Variants in DIAPH1 observed in about 807,000 individuals in gnomAD.
The protein encoded by DIAPH1 is diaphanous related formin 1.
DIAPH1 carries 46 observed loss-of-function variants against 140.7 expected under a neutral mutation model. That is an observed-to-expected ratio of 0.33 (90% confidence interval 0.26 to 0.42). DIAPH1 has a LOEUF of 0.42. Among genes scored for constraint, DIAPH1 ranks in the 10% least tolerant of loss-of-function variants. The pLI is 1.00. For missense variants in DIAPH1, 1,310 were observed against 1,558.7 expected, an observed-to-expected ratio of 0.84 and a Z score of 2.69; for synonymous variants, 565 against 551.6, an observed-to-expected ratio of 1.02 and a Z score of -0.34.
At chr5:141,521,913 G>A (rs567600925) in intron 27 of DIAPH1, among the ~76,000 whole-genome samples, 1 of 152,290 alleles carries the variant, frequency 6.6e-6, no homozygotes, top group South Asian at 2.1e-4. Context: ...ATTCATTCTA[G>A]TCCAACTCTC....
chr5:141,551,969 C>T (rs1166381501), intron 18 of DIAPH1, among the ~76,000 whole-genome samples: 3 of 152,040 alleles, frequency 2.0e-5, no homozygotes, highest in South Asian at 2.1e-4. Flanking sequence ...TGCAATTAGC[C>T]GGAAATTAAC....
Position 141,516,861 on chromosome 5 carries a change from C to G in DIAPH1, c.3809G>C (p.Arg1270Pro), listed in dbSNP as rs371664456. Residue 1270 changes from arginine to proline, a missense_variant, in exon 28 of 28, where the codon CGT becomes CCT. Arg to Pro is a moderately radical substitution (Grantham distance 103). Around this residue, in one of 3 missense-constraint regions of DIAPH1, gnomAD observed 344 missense variants for 512.2 expected, o/e 0.67. Coordinates refer to ENST00000389054, the MANE Select transcript of DIAPH1 (RefSeq NM_005219.5). ...GTCACAGGACCCACATTAGCTTGCA[C>G]GGCCAACCAACTCCTTGGCTTCCTC... ...ILEEAKELVG[R>P]AS 4 of 1,614,160 alleles carry G rather than the reference C, an allele frequency of 2.5e-6. No homozygotes were observed. In the South Asian group the frequency reaches 3.3e-5, roughly 13 times the overall value.
intron 1 of DIAPH1, among the ~76,000 whole-genome samples, chr5:141,603,980 A>G (rs934679040): frequency 6.6e-6 from 1 of 152,218 alleles, no homozygotes; most frequent in African/African-American, 2.4e-5. Flanking sequence ...GCACAGCAGA[A>G]CAGGTAGAAA....
At chr5:141,519,085 T>G in intron 27 of DIAPH1, 1 of 1,245,314 alleles carries the variant, frequency 8.0e-7, no homozygotes, top group Non-Finnish European at 1.2e-6. Flanking sequence ...CCCGAGACTG[T>G]GGGATTTTCA....
At chr5:141,614,934 T>C (rs1439067606) in intron 1 of DIAPH1, among the ~76,000 whole-genome samples, 3 of 152,200 alleles carry the variant, frequency 2.0e-5, no homozygotes, top group Admixed American at 2.0e-4. Context: ...GTTAATGTTT[T>C]AAGAGGATAT....
intron 10 of DIAPH1, 77 bp from the exon 11 acceptor site, chr5:141,578,420 T>G (rs1418570794): frequency 6.5e-7 from 1 of 1,543,004 alleles, no homozygotes; most frequent in African/African-American, 1.4e-5. Flanking sequence ...TTCAACCTGG[T>G]TTTTAATTGA....
At chr5:141,582,146 T>C in intron 7 of DIAPH1, 166 bp downstream of exon 7, 3 of 327,064 alleles carry the variant, frequency 9.2e-6, no homozygotes, top group South Asian at 4.1e-5. Context: ...GAGAAAAAAA[T>C]ATCCACAGAA....
intron 1 of DIAPH1, among the ~76,000 whole-genome samples, chr5:141,606,812 T>G (rs2099901051): frequency 6.6e-6 from 1 of 152,178 alleles, no homozygotes; most frequent in African/African-American, 2.4e-5. Flanking sequence ...TCAACAGAGT[T>G]CTTCTGGTCA....
intron 18 of DIAPH1, among the ~76,000 whole-genome samples, chr5:141,543,204 C>T (rs936495284): frequency 6.6e-6 from 1 of 152,038 alleles, no homozygotes; most frequent in Non-Finnish European, 1.5e-5. Context: ...GAATGAAGTG[C>T]TAATACATGC....
chr5:141,576,890 A>G lies in DIAPH1; in HGVS notation c.1281-19T>C. 7.2e-7 allele frequency: 1 copy of G among 1,392,510 alleles called. No homozygotes were observed. The highest frequency in any genetic ancestry group is 1.0e-6 in the Non-Finnish European group (1 of 977,892). 86.3% of individuals were successfully genotyped at this position (1,392,510 alleles called of 1,614,324 possible). ...CTGAGGTCTACAAGAGAATAAAAACAGGGTCATCAAAGGAAAATCAAAATA... is the reference window on the plus strand; with the variant it reads ...CTGAGGTCTACAAGAGAATAAAAACGGGGTCATCAAAGGAAAATCAAAATA... On this transcript the variant is annotated intron_variant, in intron 12 of 27. Transcript: ENST00000389054.
intron 27 of DIAPH1, chr5:141,518,644 T>A: frequency 3.0e-6 from 1 of 335,052 alleles, no homozygotes; most frequent in Non-Finnish European, 5.7e-6. Flanking sequence ...CACCTCAGCC[T>A]CCCTAGTAGC....
Position 141,527,692 on chromosome 5 carries a change from C to CA in DIAPH1, c.3153dup (p.Ala1052CysfsTer2). On this transcript the variant is annotated frameshift_variant, in exon 24 of 28. Transcript: ENST00000389054. LOFTEE classifies it high-confidence loss of function. ...TCTAGGTTCTTTTGCAAGTTTTCAG[C>CA]AGAAACTAAAAAAAAAAAAAAAAAA... 1 of 891,298 alleles carries CA rather than the reference C, an allele frequency of 1.1e-6. No individual in the cohort carries two copies. Among genetic ancestry groups the CA allele is most frequent in the Non-Finnish European group, 1.5e-6 (1 of 669,784 alleles). 55.2% of individuals were successfully genotyped at this position (891,298 alleles called of 1,614,324 possible). A position where few individuals can be genotyped will look rare whatever the true frequency, so the allele number is the denominator to read the frequency against.
chr5:141,554,741 G>GT (rs1199578636), intron 18 of DIAPH1, among the ~76,000 whole-genome samples: 2 of 152,114 alleles, frequency 1.3e-5, no homozygotes, highest in Non-Finnish European at 2.9e-5. Flanking sequence ...CAAAATCGGT[G>GT]TAACAGAAAT....
chr5:141,543,444 T>C (rs181201247), intron 18 of DIAPH1, among the ~76,000 whole-genome samples: 247 of 152,336 alleles, frequency 1.6e-3, no homozygotes, highest in African/African-American at 5.6e-3. Flanking sequence ...ATAGTGGTAA[T>C]GGCTGGACAA....
chr5:141,562,624 C>CA (rs199841554), intron 18 of DIAPH1, among the ~76,000 whole-genome samples: 26,283 of 139,554 alleles, frequency 0.19, 2,807 homozygotes, highest in Admixed American at 0.3. Flanking sequence ...AAAAAACAAA[C>CA]AAAAAAAAAC....
chr5:141,529,877 A>G (rs1429266028), intron 19 of DIAPH1, among the ~76,000 whole-genome samples, 180 bp from the exon 20 acceptor site: 1 of 152,068 alleles, frequency 6.6e-6, no homozygotes, highest in Admixed American at 6.6e-5. Flanking sequence ...TGAGCCCCAG[A>G]GTTTGAGACC....
chr5:141,542,948 C>A (rs1415312752), intron 18 of DIAPH1, among the ~76,000 whole-genome samples: 2 of 151,804 alleles, frequency 1.3e-5, no homozygotes, highest in Non-Finnish European at 1.5e-5. Context: ...ATAACAGTAT[C>A]CTATCAATGA....
chr5:141,577,914 T>C (rs2099896201), intron 11 of DIAPH1: 1 of 513,208 alleles, frequency 1.9e-6, no homozygotes, highest in Admixed American at 3.2e-5. Flanking sequence ...ACTCCCTCTG[T>C]CAGTCCAAAC....
chr5:141,575,108 C>G lies in DIAPH1; in HGVS notation c.1500G>C (p.Val500=), dbSNP rs761470109. 1 of 1,614,140 alleles carries G rather than the reference C, an allele frequency of 6.2e-7. No homozygotes were observed. Among genetic ancestry groups the G allele is most frequent in the East Asian group, 2.2e-5 (1 of 44,880 alleles). ...AGTCACTTTCCATCTTTTTCATTTCCACCTGTAGCTCATGTCGGGCTGTTA... is the reference window on the plus strand; with the variant it reads ...AGTCACTTTCCATCTTTTTCATTTCGACCTGTAGCTCATGTCGGGCTGTTA... ...SELTARHELQ[V]EMKKMESDFE... Residue 500 remains valine (V), a synonymous_variant, in exon 15 of 28, where the codon GTG becomes GTC. Transcript: ENST00000389054.
Sources: gnomAD v4.1 joint callset for allele counts (sites outside exome capture counted in the v4.1 genomes callset) on GRCh38, gnomAD v4.1.1 for gene constraint, gnomAD v4.1.1 regional missense constraint, MANE v1.5 for transcripts, NCBI Gene and HGNC (gene_info 2026-07-23, HGNC 2026-07-21) for gene names.